ERCC5: variants seen among roughly 807,000 people sequenced by gnomAD.
ERCC5 encodes the protein DNA excision repair protein ERCC-5.
Under a neutral mutation model 105.6 loss-of-function variants are expected in ERCC5, and 68 were observed. The observed-to-expected ratio is 0.64, with a 90% confidence interval of 0.53 to 0.79. The LOEUF is 0.79. Among genes scored for constraint, ERCC5 ranks in the 30% least tolerant of loss-of-function variants. The pLI, the probability that ERCC5 is intolerant of heterozygous loss-of-function variation, is 0.00. For missense variants in ERCC5, 1,373 were observed against 1,426.7 expected (o/e 0.96, Z 0.61); for synonymous variants, 546 against 526.2 (o/e 1.04, Z -0.51).
rs867368777 is a variant in ERCC5 at position 102,861,058 on chromosome 13, G to A, written c.673-449G>A. Among the ~76,000 whole-genome samples the A allele has an allele frequency of 3.3e-5, 5 of 149,974 alleles. 1 individual carries two copies. In the South Asian group the frequency reaches 6.3e-4, roughly 19 times the overall value. ...GGCTGGAGTGCAATGGCACAATCTC[G>A]GCTCACTGCAACCTCTGCCTCCCCG... On this transcript the variant is annotated intron_variant, in intron 6 of 14. Transcript: ENST00000652225.
At chr13:102,852,764 A>G (rs1013944845) in intron 2 of ERCC5, among the ~76,000 whole-genome samples, 1 of 152,208 alleles carries the variant, frequency 6.6e-6, no homozygotes, top group African/African-American at 2.4e-5. Context: ...TGGATTATCT[A>G]GGAAGGAAAT....
At position 102,875,857 on chromosome 13, in the gene ERCC5, A is replaced by C. The variant is rs772824564; in HGVS notation, c.3515A>C (p.Lys1172Thr). ...LVTARSVFGK[K>T]RRKLRRARGR... ...ACCGCCAGATCTGTGTTTGGGAAGA[A>C]AAGAAGGAAACTAAGACGTGCGAGG... Residue 1172 changes from lysine to threonine, a missense_variant, in exon 15 of 15, where the codon AAA becomes ACA. Lys to Thr is a moderately conservative substitution (Grantham distance 78). Transcript: ENST00000652225. 34 of 1,612,434 alleles carry C rather than the reference A, an allele frequency of 2.1e-5. No homozygotes were observed. The highest frequency in any genetic ancestry group is 1.9e-5 in the Non-Finnish European group (23 of 1,180,012).
chr13:102,862,802 A>G lies in ERCC5; in HGVS notation c.1653A>G (p.Pro551=), dbSNP rs779358925. 5 of 1,614,264 alleles carry G rather than the reference A, an allele frequency of 3.1e-6. No homozygotes were observed. The East Asian group carries it at 6.7e-5, about 22-fold the overall frequency. The change falls in exon 8 of 15, where the codon CCA becomes CCG. Residue 551 remains proline, a synonymous_variant. Transcript: ENST00000652225. ...EVLEQQNELC[P]YESKFDSSLL... is the part of the protein sequence containing the mutation. ...TTGAGCAGCAGAACGAACTTTGCCCATATGAGAGTAAATTCGATTCTTCTC... is the reference window on the plus strand; with the variant it reads ...TTGAGCAGCAGAACGAACTTTGCCCGTATGAGAGTAAATTCGATTCTTCTC...
At chr13:102,868,342 C>A in intron 12 of ERCC5, 85 bp downstream of exon 12, 3 of 1,532,378 alleles carry the variant, frequency 2.0e-6, no homozygotes, top group South Asian at 1.1e-5. Context: ...CATGAACTGT[C>A]ATGCTGTAAC....
At chr13:102,873,404 G>A (rs1301786776) in intron 14 of ERCC5, 61 bp downstream of exon 14, 3 of 1,580,640 alleles carry the variant, frequency 1.9e-6, no homozygotes, top group Non-Finnish European at 2.6e-6. Flanking sequence ...GTTGACAGCT[G>A]TTAAAGACCA....
chr13:102,853,430 T>C (rs1407717433), intron 2 of ERCC5, among the ~76,000 whole-genome samples: 1 of 152,266 alleles, frequency 6.6e-6, no homozygotes, highest in Non-Finnish European at 1.5e-5. Flanking sequence ...TGTGACATTT[T>C]ATAGAATAAA....
chr13:102,870,927 A>G (rs1444955319), intron 12 of ERCC5, among the ~76,000 whole-genome samples: 1 of 151,982 alleles, frequency 6.6e-6, no homozygotes, highest in Non-Finnish European at 1.5e-5. Context: ...GATGGCATTT[A>G]TTTTTTCCTA....
Position 102,875,829 on chromosome 13 carries a change from GT to G in ERCC5, c.3488del (p.Val1163GlyfsTer14). 4 of 1,613,360 alleles carry G rather than the reference GT, an allele frequency of 2.5e-6. No individual in the cohort carries two copies. Among genetic ancestry groups the G allele is most frequent in the Non-Finnish European group, 3.4e-6 (4 of 1,179,984 alleles). On this transcript the variant is annotated frameshift_variant, in exon 15 of 15. Transcript: ENST00000652225. LOFTEE classifies it low-confidence loss of function (END_TRUNC). ...DDGGKEKMVL[V>X]TARSVFGKKR... ...TGGAGGGAAAGAGAAGATGGTCCTC[GT>G]GACCGCCAGATCTGTGTTTGGGAAG...
At position 102,865,836 on chromosome 13, in the gene ERCC5, C is replaced by T. The variant is rs1162923816; in HGVS notation, c.2124C>T (p.Asp708=). 5.0e-6 allele frequency: 8 copies of T among 1,614,012 alleles called. No homozygotes were observed. In the East Asian group the frequency reaches 8.9e-5, roughly 18 times the overall value. ...TCCTGAGGGACAACTCTGAGAGGGA[C>T]GACGTGGATGGTGAGCCACAGGAAG... ...ESLLRDNSER[D]DVDGEPQEAE... The change falls in exon 9 of 15, where the codon GAC becomes GAT. Residue 708 remains aspartate (D), a synonymous_variant. Coordinates refer to ENST00000652225, the MANE Select transcript of ERCC5 (RefSeq NM_000123.4). This position sits in a 1 kb window ranked among gnomAD's most constrained non-coding sequence, Gnocchi z 4.0.
At chr13:102,860,366 C>A (rs1368603674) in intron 6 of ERCC5, among the ~76,000 whole-genome samples, 1 of 152,142 alleles carries the variant, frequency 6.6e-6, no homozygotes, top group Non-Finnish European at 1.5e-5. Flanking sequence ...GCTGCCGTAC[C>A]ATAAACTGCA....
At chr13:102,856,580 C>T (rs4150282) in intron 5 of ERCC5, among the ~76,000 whole-genome samples, 70,985 of 152,032 alleles carry the variant, frequency 0.47, 18,405 homozygotes, top group Non-Finnish European at 0.59. Context: ...AGTTATCTGT[C>T]GCTGTGTAAC....
intron 12 of ERCC5, among the ~76,000 whole-genome samples, chr13:102,870,995 T>C (rs1883012063): frequency 6.6e-6 from 1 of 152,226 alleles, no homozygotes; most frequent in South Asian, 2.1e-4. Context: ...TCAGCCTTAG[T>C]GGCTTCACAC....
intron 1 of ERCC5, among the ~76,000 whole-genome samples, chr13:102,847,918 T>C (rs1422535458): frequency 6.6e-6 from 1 of 152,198 alleles, no homozygotes; most frequent in East Asian, 1.9e-4. Context: ...CCCAGCACTT[T>C]GGGAGGTCAA....
At chr13:102,870,285 T>C (rs910196563) in intron 12 of ERCC5, among the ~76,000 whole-genome samples, 9 of 152,210 alleles carry the variant, frequency 5.9e-5, no homozygotes, top group Admixed American at 1.3e-4. Flanking sequence ...CACAAAATTA[T>C]GGATTCTGTT....
At position 102,852,143 on chromosome 13, in the gene ERCC5, A is replaced by G. The variant is rs764800560; in HGVS notation, c.114A>G (p.Ala38=). 16 of 1,613,994 alleles carry G rather than the reference A, an allele frequency of 9.9e-6. No individual in the cohort carries two copies. The highest frequency in any genetic ancestry group is 1.7e-5 in the Admixed American group (1 of 60,002). The change falls in exon 2 of 15, where the codon GCA becomes GCG. Residue 38 remains alanine, a synonymous_variant. Transcript: ENST00000652225. ...AVDISIWLNQ[A]LKGVRDRHGN... ...ATATTAGCATTTGGTTAAACCAAGC[A>G]CTTAAAGGAGTCCGGGATCGCCATG...
At chr13:102,867,950 CAG>C (rs780900655) in intron 11 of ERCC5, among the ~76,000 whole-genome samples, 161 bp from the exon 12 acceptor site, 15 of 152,062 alleles carry the variant, frequency 9.9e-5, no homozygotes, top group Admixed American at 2.6e-4. Context: ...AAAATATTAA[CAG>C]AATGCCATTG....
intron 8 of ERCC5, among the ~76,000 whole-genome samples, 160 bp downstream of exon 8, chr13:102,863,263 T>C (rs897308767): frequency 3.9e-5 from 6 of 152,212 alleles, no homozygotes; most frequent in African/African-American, 1.4e-4. Context: ...TCACAGCTGG[T>C]CATGGAATCT....
At position 102,864,183 on chromosome 13, in the gene ERCC5, T is replaced by C. The variant is rs1381030672; in HGVS notation, c.1954+1080T>C. The stretch of plus-strand genomic sequence containing the variant: ...ACACACACAATTTGTTCCTGGTATC[T>C]GCTAGTTTTCTTCATTCAAATGTTA... On this transcript the variant is annotated intron_variant, in intron 8 of 14. Transcript: ENST00000652225. Among the ~76,000 whole-genome samples, 3 of 148,456 alleles carry C rather than the reference T, an allele frequency of 2.0e-5. No individual in the cohort carries two copies. In the Middle Eastern group the frequency reaches 0.011, roughly 534 times the overall value.
Position 102,865,877 on chromosome 13 carries a change from A to G in ERCC5, c.2165A>G (p.Glu722Gly). 3 of 1,614,234 alleles carry G rather than the reference A, an allele frequency of 1.9e-6. No homozygotes were observed. In the South Asian group the frequency reaches 3.3e-5, roughly 18 times the overall value. The change falls in exon 9 of 15, where the codon GAA (glutamate) becomes GGA (glycine). Residue 722 changes from glutamate (E) to glycine (G), a missense_variant. This residue lies in a region of ERCC5 where 1,004 missense variants were observed against 1,059.7 expected (regional missense o/e 0.95). Transcript: ENST00000652225. The surrounding 1 kb of genome is among the most constrained non-coding windows in gnomAD (Gnocchi z 4.0). ...CCACAGGAAGCTGAGAAAGATGCGG[A>G]AGATTCGCTCCATGAATGGCAAGAT... ...GEPQEAEKDAEDSLHEWQDIN... is the reference protein window; with the variant it reads ...GEPQEAEKDAGDSLHEWQDIN...
Sources: gnomAD v4.1 joint callset for allele counts (sites outside exome capture counted in the v4.1 genomes callset) on GRCh38, gnomAD v4.1.1 for gene constraint, gnomAD v4.1.1 regional missense constraint, Gnocchi (gnomAD v3.1) non-coding constraint, MANE v1.5 for transcripts, NCBI Gene and HGNC (gene_info 2026-07-23, HGNC 2026-07-21) for gene names.